RYK: variants seen among roughly 807,000 people sequenced by gnomAD.
The protein encoded by RYK is receptor like tyrosine kinase, also known as inactive tyrosine-protein kinase RYK.
In RYK, 21 loss-of-function variants were observed where a neutral mutation model predicts 70.2. The observed-to-expected ratio is 0.30, with a 90% CI of 0.21 to 0.43. RYK has a LOEUF of 0.43. RYK is among the 20% of genes least tolerant of loss of function. The probability of loss-of-function intolerance (pLI) is 1.00; values close to 1 mark genes in which losing one functional copy is unlikely to be tolerated. For synonymous variants in RYK, 267 were observed against 278.0 expected, an observed-to-expected ratio of 0.96 and a Z score of 0.39; for missense variants, 604 against 753.3, an observed-to-expected ratio of 0.80 and a Z score of 2.32.
intron 11 of RYK, 58 bp downstream of exon 11, chr3:134,177,883 C>A: frequency 6.9e-7 from 1 of 1,450,656 alleles, no homozygotes; most frequent in African/African-American, 1.4e-5. Flanking sequence ...TATCTACTTT[C>A]AAAGACATTA....
intron 2 of RYK, among the ~76,000 whole-genome samples, chr3:134,214,693 A>T (rs2014498991): frequency 6.6e-6 from 1 of 152,090 alleles, no homozygotes; most frequent in African/African-American, 2.4e-5. Context: ...CCTTAGTTCT[A>T]CTCAGCAATC....
At chr3:134,214,665 TCCAG>T in intron 2 of RYK, among the ~76,000 whole-genome samples, 1 of 152,132 alleles carries the variant, frequency 6.6e-6, no homozygotes, top group Non-Finnish European at 1.5e-5. Context: ...AACAATGACC[TCCAG>T]TCTCAGGGGA....
At chr3:134,228,224 G>A (rs1258684113) in intron 1 of RYK, among the ~76,000 whole-genome samples, 1 of 152,094 alleles carries the variant, frequency 6.6e-6, no homozygotes, top group African/African-American at 2.4e-5. Context: ...CCAGGAGTTC[G>A]AGGCGGCAGT....
Position 134,158,235 on chromosome 3 carries a change from A to G in RYK, c.1742T>C (p.Leu581Ser), listed in dbSNP as rs374382478. Residue 581 changes from leucine (L) to serine (S), a missense_variant, in exon 15 of 15, where the codon TTA (leucine) becomes TCA (serine). By Grantham distance (145) the Leu-to-Ser change is moderately radical. Coordinates refer to ENST00000623711, the MANE Select transcript of RYK (RefSeq NM_002958.4). Reference sequence around the variant, plus strand: ...AAACTTGGGCCTCTCCTCTGGATCTAAGGCCCAGCAACAGGCCATCACAGC... The same window carrying G: ...AAACTTGGGCCTCTCCTCTGGATCTGAGGCCCAGCAACAGGCCATCACAGC... ...LFAVMACCWA[L>S]DPEERPKFQQ... The G allele has an allele frequency of 8.8e-5, 138 of 1,571,448 alleles. No individual in the cohort carries two copies. Among genetic ancestry groups the G allele is most frequent in the Non-Finnish European group, 1.1e-4 (132 of 1,157,024 alleles).
chr3:134,157,990 G>C lies in RYK; in HGVS notation c.*163C>G, dbSNP rs1342156300. ...TCTAGAAAATATGCCACATTATTAAGTCTGTCTTAAAAAGTTCAGATTCTA... is the reference window on the plus strand; with the variant it reads ...TCTAGAAAATATGCCACATTATTAACTCTGTCTTAAAAAGTTCAGATTCTA... On this transcript the variant is annotated 3_prime_UTR_variant, in exon 15 of 15. Coordinates refer to ENST00000623711, the MANE Select transcript of RYK (RefSeq NM_002958.4). 5 of 401,812 alleles carry C rather than the reference G, an allele frequency of 1.2e-5. No individual in the cohort carries two copies. Among genetic ancestry groups the C allele is most frequent in the Non-Finnish European group, 1.8e-5 (4 of 228,066 alleles). The allele number at this position is 401,812 out of a possible 1,614,324, so 24.9% of individuals were successfully genotyped here. A position where few individuals can be genotyped will look rare whatever the true frequency, so the allele number is the denominator to read the frequency against.
At chr3:134,198,399 T>TC (rs2013880363) in intron 6 of RYK, among the ~76,000 whole-genome samples, 1 of 152,260 alleles carries the variant, frequency 6.6e-6, no homozygotes, top group Non-Finnish European at 1.5e-5. Flanking sequence ...ACATGTCAGG[T>TC]ACTGTACTGG....
At chr3:134,197,085 ACTT>A (rs1236658435) in intron 6 of RYK, among the ~76,000 whole-genome samples, 4 of 152,210 alleles carry the variant, frequency 2.6e-5, no homozygotes, top group African/African-American at 7.2e-5. Context: ...CCAACCTGAT[ACTT>A]CTTCTTGTGA....
Position 134,158,103 on chromosome 3 carries a change from G to A in RYK, c.*50C>T. On this transcript the variant is annotated 3_prime_UTR_variant, in exon 15 of 15. Transcript: ENST00000623711. Reference sequence around the variant, plus strand: ...ACAAAGCATCCCTGACAGGCTTCAAGTGAGCCCCGACAGGCACCTTCTTCC... The same window carrying A: ...ACAAAGCATCCCTGACAGGCTTCAAATGAGCCCCGACAGGCACCTTCTTCC... The A allele has an allele frequency of 9.4e-7, 1 of 1,066,316 alleles. No individual in the cohort carries two copies. The highest frequency in any genetic ancestry group is 1.3e-6 in the Non-Finnish European group (1 of 783,260). The allele number at this position is 1,066,316 out of a possible 1,614,324, so 66.1% of individuals were successfully genotyped here.
intron 6 of RYK, among the ~76,000 whole-genome samples, chr3:134,195,630 T>C (rs1442028993): frequency 1.3e-5 from 2 of 152,204 alleles, no homozygotes; most frequent in Non-Finnish European, 2.9e-5. Flanking sequence ...CCAAATCAAA[T>C]GTGCCAACAT....
chr3:134,219,317 A>G (rs953802233), intron 2 of RYK, among the ~76,000 whole-genome samples: 12 of 152,178 alleles, frequency 7.9e-5, no homozygotes, highest in Admixed American at 6.5e-4. Context: ...CTCATTCCAA[A>G]TAACAAACGG....
chr3:134,207,603 C>T, intron 4 of RYK, 78 bp from the exon 5 acceptor site: 1 of 953,368 alleles, frequency 1.0e-6, no homozygotes, highest in East Asian at 2.7e-5. Flanking sequence ...ATTATCAGAA[C>T]ATTGCTGGAA....
At chr3:134,242,430 T>C (rs970454644) in intron 1 of RYK, among the ~76,000 whole-genome samples, 4 of 152,234 alleles carry the variant, frequency 2.6e-5, no homozygotes, top group Admixed American at 1.3e-4. Flanking sequence ...CACGTTTATT[T>C]TGGCACATTT....
intron 6 of RYK, among the ~76,000 whole-genome samples, chr3:134,197,724 T>C (rs990603262): frequency 6.6e-6 from 1 of 152,168 alleles, no homozygotes; most frequent in Non-Finnish European, 1.5e-5. Flanking sequence ...GGGATTAAGA[T>C]AATCTACCTC....
chr3:134,237,240 T>C (rs1015463620), intron 1 of RYK, among the ~76,000 whole-genome samples: 3 of 152,204 alleles, frequency 2.0e-5, no homozygotes, highest in African/African-American at 4.8e-5. Flanking sequence ...AAGTTGACTA[T>C]TGGTTTCTCA....
At chr3:134,234,052 G>A (rs1422087055) in intron 1 of RYK, among the ~76,000 whole-genome samples, 1 of 151,980 alleles carries the variant, frequency 6.6e-6, no homozygotes, top group Non-Finnish European at 1.5e-5. Context: ...AGTGGATTAT[G>A]GATGATTTTT....
At chr3:134,178,160 C>T in intron 10 of RYK, 87 bp from the exon 11 acceptor site, 3 of 875,330 alleles carry the variant, frequency 3.4e-6, no homozygotes, top group Non-Finnish European at 5.2e-6. Context: ...TAAAACAAAA[C>T]AAAATCCCCA....
intron 1 of RYK, among the ~76,000 whole-genome samples, chr3:134,232,153 CA>C (rs992747726): frequency 3.9e-5 from 6 of 152,198 alleles, no homozygotes; most frequent in Admixed American, 3.9e-4. Context: ...ATTCTGTCTC[CA>C]GTATCTATAA....
chr3:134,206,630 G>A (rs1032967794), intron 5 of RYK, among the ~76,000 whole-genome samples: 1 of 152,074 alleles, frequency 6.6e-6, no homozygotes, highest in Non-Finnish European at 1.5e-5. Flanking sequence ...ATAGGTATTA[G>A]GTGATTGTGG....
intron 13 of RYK, chr3:134,171,210 T>C (rs1037889318): frequency 3.9e-5 from 6 of 152,338 alleles, no homozygotes; most frequent in Middle Eastern, 3.4e-3. Flanking sequence ...AACTAAGTAT[T>C]TGGTGTAACT....
Sources: allele counts gnomAD v4.1 joint callset (sites outside exome capture counted in the v4.1 genomes callset), GRCh38; gene constraint gnomAD v4.1.1; transcripts MANE v1.5; gene names NCBI Gene and HGNC (gene_info 2026-07-23, HGNC 2026-07-21).